Variants in MPDZ observed in about 807,000 individuals in gnomAD.
MPDZ encodes multiple PDZ domain protein.
Under a neutral mutation model 239.1 loss-of-function variants are expected in MPDZ, and 234 were observed. That is an observed-to-expected ratio of 0.98 (90% CI 0.88 to 1.09). MPDZ has a LOEUF of 1.09. Ranked by LOEUF, MPDZ falls within the 50% of genes least tolerant of loss-of-function variation. The pLI, the probability that MPDZ is intolerant of heterozygous loss-of-function variation, is 0.00. For synonymous variants in MPDZ, 1,048 were observed against 881.3 expected (o/e 1.19, Z -3.35); for missense variants, 3,175 against 2,510.0 (o/e 1.26, Z -5.66).
rs763124958 is a variant in MPDZ, at chr9:13,222,448, T to C, written c.534-2A>G. The stretch of plus-strand genomic sequence containing the variant: ...TCAGTTTCTTTCAATCTTCCATCTC[T>C]ATCAAGGATGCAAAAGGGGATAAAA... On this transcript the variant is annotated splice_acceptor_variant, in intron 5 of 46. Transcript: ENST00000319217. LOFTEE classifies it high-confidence loss of function. 6.2e-7 allele frequency: 1 copy of C among 1,609,442 alleles called. No homozygotes were observed. The highest frequency in any genetic ancestry group is 1.1e-5 in the South Asian group (1 of 90,872).
intron 15 of MPDZ, among the ~76,000 whole-genome samples, chr9:13,190,930 G>A (rs1245870925): frequency 6.6e-6 from 1 of 152,042 alleles, no homozygotes; most frequent in African/African-American, 2.4e-5. Context: ...ACTAAATGAA[G>A]TAACATATAT....
rs964395702 is a variant in MPDZ, at chr9:13,137,857, T to C, written c.4200+100A>G. ...TCTATTTTATTAAGCAAGCAATGGCTTTCTCAGTCACTATAAGGTATGGGT... is the reference window on the plus strand; with the variant it reads ...TCTATTTTATTAAGCAAGCAATGGCCTTCTCAGTCACTATAAGGTATGGGT... On this transcript the variant is annotated intron_variant, in intron 29 of 46. Coordinates refer to ENST00000319217, the MANE Select transcript of MPDZ (RefSeq NM_001378778.1). 8.1e-6 allele frequency: 10 copies of C among 1,228,334 alleles called. No homozygotes were observed. In the African/African-American group the frequency reaches 1.2e-4, roughly 15 times the overall value. 76.1% of individuals were successfully genotyped at this position (1,228,334 alleles called of 1,614,324 possible). A position where few individuals can be genotyped will look rare whatever the true frequency, so the allele number is the denominator to read the frequency against.
At chr9:13,141,528 T>G (rs1251855555) in intron 27 of MPDZ, among the ~76,000 whole-genome samples, 1 of 152,174 alleles carries the variant, frequency 6.6e-6, no homozygotes, top group African/African-American at 2.4e-5. Flanking sequence ...TTTATTTTAC[T>G]TTTTTACTGC....
At chr9:13,136,679 G>C (rs773844807) in intron 30 of MPDZ, 33 bp downstream of exon 30, 6 of 1,317,306 alleles carry the variant, frequency 4.6e-6, no homozygotes, top group Non-Finnish European at 6.4e-6. Flanking sequence ...CTAACAAAAA[G>C]TATTTGGTAA....
rs1204674539 is a variant in MPDZ, at chr9:13,126,582, T to C, written c.4566A>G (p.Arg1522=). ...TEHGVAATDG[R]LKVGDQILAV... is the part of the protein sequence containing the mutation. ...CCAGTATCTGATCTCCGACTTTGAG[T>C]CGTCCATCCTAAATGGAAACGTAGA... The change falls in exon 34 of 47, where the codon CGA becomes CGG. Residue 1522 remains arginine (R), a synonymous_variant. Transcript: ENST00000319217. 1 of 1,600,488 alleles carries C rather than the reference T, an allele frequency of 6.2e-7. No homozygotes were observed. Among genetic ancestry groups the C allele is most frequent in the Non-Finnish European group, 8.5e-7 (1 of 1,172,772 alleles).
In MPDZ at chr9:13,224,553, T is replaced by C. The variant is rs376069377; in HGVS notation, c.214A>G (p.Ile72Val). 3.5e-5 allele frequency: 57 copies of C among 1,610,888 alleles called. No homozygotes were observed. The highest frequency in any genetic ancestry group is 4.8e-5 in the Non-Finnish European group (56 of 1,178,412). ...AGATGAGGAACGTGGGCATATTCAA[T>C]ATTTGAAGTTGCTGAAGTTGCAATA... ...VNIATSATSNIEYAHVPHLSP... is the reference protein window; with the variant it reads ...VNIATSATSNVEYAHVPHLSP... The change falls in exon 4 of 47, where the codon ATT becomes GTT. Residue 72 changes from isoleucine (I) to valine (V), a missense_variant. Transcript: ENST00000319217.
chr9:13,141,574 T>C (rs1947690589), intron 27 of MPDZ, among the ~76,000 whole-genome samples: 1 of 152,298 alleles, frequency 6.6e-6, no homozygotes, highest in African/African-American at 2.4e-5. Flanking sequence ...TTATTATATA[T>C]GTTTATATCT....
Position 13,206,078 on chromosome 9 carries a change from C to T in MPDZ, c.1312G>A (p.Gly438Ser). The change falls in exon 11 of 47, where the codon GGT becomes AGT. Residue 438 changes from glycine (G) to serine (S), a missense_variant. Coordinates refer to ENST00000319217, the MANE Select transcript of MPDZ (RefSeq NM_001378778.1). ...TCTACTGCTTGCTGATTAGTAAAACCCTGAAGGTTTGTGCCATCTACCTGT... is the reference window on the plus strand; with the variant it reads ...TCTACTGCTTGCTGATTAGTAAAACTCTGAAGGTTTGTGCCATCTACCTGT... Reference protein sequence around the residue: ...IIAVDGTNLQGFTNQQAVEVL... With the variant: ...IIAVDGTNLQSFTNQQAVEVL... 1 of 1,608,010 alleles carries T rather than the reference C, an allele frequency of 6.2e-7. No individual in the cohort carries two copies. Among genetic ancestry groups the T allele is most frequent in the East Asian group, 2.2e-5 (1 of 44,568 alleles).
chr9:13,124,055 G>C (rs1457837492), intron 35 of MPDZ, among the ~76,000 whole-genome samples: 1 of 152,164 alleles, frequency 6.6e-6, no homozygotes, highest in Non-Finnish European at 1.5e-5. Flanking sequence ...ACAGCAAATA[G>C]CATGTTTTGG....
intron 12 of MPDZ, among the ~76,000 whole-genome samples, chr9:13,203,703 T>C (rs1478315814): frequency 2.0e-5 from 3 of 151,006 alleles, no homozygotes; most frequent in Non-Finnish European, 4.4e-5. Flanking sequence ...TGATTCTAGG[T>C]CTATAGTCAC....
chr9:13,136,479 G>A (rs959783920), intron 30 of MPDZ, among the ~76,000 whole-genome samples: 6 of 151,386 alleles, frequency 4.0e-5, no homozygotes, highest in East Asian at 1.9e-4. Context: ...CTACAGGTGC[G>A]TGCCACCACG....
At chr9:13,165,791 C>A (rs1951005673) in intron 22 of MPDZ, among the ~76,000 whole-genome samples, 1 of 152,084 alleles carries the variant, frequency 6.6e-6, no homozygotes, top group African/African-American at 2.4e-5. Context: ...ATAAGAGCTC[C>A]TGGCAAGGTG....
intron 3 of MPDZ, among the ~76,000 whole-genome samples, chr9:13,232,605 G>A (rs966673199): frequency 6.6e-6 from 1 of 151,210 alleles, no homozygotes; most frequent in African/African-American, 2.4e-5. Context: ...AGTAGCCACA[G>A]GTTTCTTATA....
chr9:13,235,436 G>A (rs187278865), intron 3 of MPDZ, among the ~76,000 whole-genome samples: 1 of 152,160 alleles, frequency 6.6e-6, no homozygotes, highest in East Asian at 1.9e-4. Flanking sequence ...GATAGGGATA[G>A]TAATTAAAGT....
In MPDZ at chr9:13,123,212, T is replaced by C. The variant is rs61753785; in HGVS notation, c.4894A>G (p.Ile1632Val). ...IIPGCETTIEISKGRTGLGLS... is the reference protein window; with the variant it reads ...IIPGCETTIEVSKGRTGLGLS... ...CCCAGCCCTGTTCGCCCTTTGGAAA[T>C]CTCGATGGTTGTTTCGCAGCCAGGG... Residue 1632 changes from isoleucine to valine, a missense_variant, in exon 36 of 47, where the codon ATT becomes GTT. Transcript: ENST00000319217. The C allele has an allele frequency of 9.5e-5, 154 of 1,613,292 alleles. No homozygotes were observed. The highest frequency in any genetic ancestry group is 1.2e-4 in the Non-Finnish European group (144 of 1,179,816).
chr9:13,143,697 A>G (rs1948057184), intron 26 of MPDZ, 133 bp from the exon 27 acceptor site: 3 of 713,604 alleles, frequency 4.2e-6, no homozygotes, highest in Non-Finnish European at 2.5e-6. Context: ...AGTCATTAAT[A>G]GCAACATCTT....
chr9:13,260,362 T>C (rs1970403897), intron 1 of MPDZ, among the ~76,000 whole-genome samples: 1 of 152,112 alleles, frequency 6.6e-6, no homozygotes, highest in Admixed American at 6.6e-5. Context: ...CATGGTAATA[T>C]GGAGGTAAGG....
At chr9:13,159,765 G>C (rs746515199) in intron 23 of MPDZ, among the ~76,000 whole-genome samples, 1 of 152,064 alleles carries the variant, frequency 6.6e-6, no homozygotes, top group Non-Finnish European at 1.5e-5. Context: ...AAGGACCCCA[G>C]TCTCTTCAGA....
intron 1 of MPDZ, among the ~76,000 whole-genome samples, chr9:13,254,306 T>A (rs571994040): frequency 6.6e-6 from 1 of 152,320 alleles, no homozygotes; most frequent in South Asian, 2.1e-4. Flanking sequence ...AATGTTAATG[T>A]CCATACATCT....
Sources: allele counts gnomAD v4.1 joint callset (sites outside exome capture counted in the v4.1 genomes callset), GRCh38; gene constraint gnomAD v4.1.1; transcripts MANE v1.5; gene names NCBI Gene and HGNC (gene_info 2026-07-23, HGNC 2026-07-21).